Variants in MACF1 observed in about 807,000 individuals in gnomAD.
MACF1 encodes the protein microtubule actin crosslinking factor 1.
MACF1 carries 193 observed loss-of-function variants against 854.8 expected under a neutral mutation model. The observed-to-expected ratio is 0.23, with a 90% confidence interval of 0.20 to 0.25. The LOEUF is 0.25. Ranked by LOEUF, MACF1 falls within the 10% of genes least tolerant of loss-of-function variation. The pLI is 1.00. For missense variants in MACF1, 7,722 were observed against 8,929.1 expected (o/e 0.86, Z 5.45); for synonymous variants, 3,185 against 3,226.7 (o/e 0.99, Z 0.44).
chr1:39,468,792 A>G (rs1570191424), intron 96 of MACF1, 60 bp downstream of exon 96: 5 of 1,437,924 alleles, frequency 3.5e-6, no homozygotes, highest in Non-Finnish European at 3.9e-6. Flanking sequence ...GTGATCTTTT[A>G]TGCTTACAGG....
At chr1:39,405,441 T>C (rs1387461517) in intron 58 of MACF1, among the ~76,000 whole-genome samples, 1 of 152,248 alleles carries the variant, frequency 6.6e-6, no homozygotes, top group African/African-American at 2.4e-5. Flanking sequence ...AGGTGGGTGA[T>C]AAGGCATCAT....
At position 39,350,896 on chromosome 1, in the gene MACF1, G is replaced by T. The variant is rs774610656; in HGVS notation, c.11077G>T (p.Ala3693Ser). Residue 3693 changes from alanine to serine, a missense_variant, in exon 43 of 101, where the codon GCT becomes TCT. Transcript: ENST00000564288. ...CAAGCTGAGCCCACGTGAGTTGACA[G>T]CTCTTCGGGAAAAGCTTCATCAGGC... ...QTKLSPRELT[A>S]LREKLHQAKE... 1.2e-6 allele frequency: 2 copies of T among 1,613,992 alleles called. No homozygotes were observed. The highest frequency in any genetic ancestry group is 2.7e-5 in the African/African-American group (2 of 74,926).
Position 39,315,474 on chromosome 1 carries a change from A to G in MACF1, c.3271-39A>G, listed in dbSNP as rs776862725. 15 of 1,601,218 alleles carry G rather than the reference A, an allele frequency of 9.4e-6. No individual in the cohort carries two copies. In the Admixed American group the frequency reaches 2.2e-4, roughly 24 times the overall value. On this transcript the variant is annotated intron_variant, in intron 26 of 100. Coordinates refer to ENST00000564288, the MANE Select transcript of MACF1 (RefSeq NM_001394062.1). ...GACTTCTTTCTACCTTTTTTGTTCAATTCTGTCTCCCTCTTTATGTGTGTC... is the reference window on the plus strand; with the variant it reads ...GACTTCTTTCTACCTTTTTTGTTCAGTTCTGTCTCCCTCTTTATGTGTGTC...
At chr1:39,436,241 C>T (rs532863556) in intron 70 of MACF1, among the ~76,000 whole-genome samples, 2 of 152,168 alleles carry the variant, frequency 1.3e-5, no homozygotes, top group Non-Finnish European at 2.9e-5. Context: ...AAGCATGTAA[C>T]TACATACTTT....
intron 2 of MACF1, among the ~76,000 whole-genome samples, chr1:39,148,535 A>G (rs1375456579): frequency 6.6e-6 from 1 of 152,228 alleles, no homozygotes; most frequent in Non-Finnish European, 1.5e-5. Context: ...GCAAATATGC[A>G]TGCAATACAT....
At chr1:39,219,847 T>C (rs1446462744) in intron 1 of MACF1, among the ~76,000 whole-genome samples, 1 of 151,996 alleles carries the variant, frequency 6.6e-6, no homozygotes, top group Non-Finnish European at 1.5e-5. Flanking sequence ...GCCGCCCGGG[T>C]CCAAGCAGTT....
chr1:39,384,187 A>G (rs1650492393), intron 56 of MACF1, among the ~76,000 whole-genome samples: 1 of 151,968 alleles, frequency 6.6e-6, no homozygotes, highest in Non-Finnish European at 1.5e-5. Context: ...AGCCTTTCCT[A>G]ATTTCTGTCT....
At chr1:39,382,695 A>AAT (rs554696849) in intron 56 of MACF1, among the ~76,000 whole-genome samples, 2 of 150,932 alleles carry the variant, frequency 1.3e-5, no homozygotes, top group Admixed American at 6.6e-5. Context: ...AAAAAAAAAA[A>AAT]TTTTTTTTTA....
At chr1:39,358,955 T>C in intron 46 of MACF1, 82 bp downstream of exon 46, 2 of 1,497,184 alleles carry the variant, frequency 1.3e-6, no homozygotes, top group South Asian at 2.6e-5. Flanking sequence ...AGCAAATGCT[T>C]ACATAAAATA....
intron 58 of MACF1, among the ~76,000 whole-genome samples, chr1:39,404,145 G>GGAAGTAAA (rs1173196421): frequency 1.8e-4 from 24 of 133,078 alleles, no homozygotes; most frequent in African/African-American, 7.6e-4. Flanking sequence ...AAATAAATAA[G>GGAAGTAAA]TAAGTAAATA....
At chr1:39,323,457 A>G (rs1173571730) in intron 33 of MACF1, among the ~76,000 whole-genome samples, 2 of 150,584 alleles carry the variant, frequency 1.3e-5, no homozygotes, top group Non-Finnish European at 3.0e-5. Flanking sequence ...TAATTAAATT[A>G]TTATATAATA....
intron 2 of MACF1, among the ~76,000 whole-genome samples, chr1:39,182,551 A>G (rs1406512295): frequency 1.3e-5 from 2 of 152,340 alleles, no homozygotes; most frequent in South Asian, 2.1e-4. Flanking sequence ...AAGGATTTAT[A>G]TAGCCATTTC....
chr1:39,188,824 G>A (rs1336614237), intron 2 of MACF1, among the ~76,000 whole-genome samples: 2 of 151,906 alleles, frequency 1.3e-5, no homozygotes, highest in Non-Finnish European at 2.9e-5. Flanking sequence ...GGCTGGTCTC[G>A]AACTCCTGAG....
intron 68 of MACF1, among the ~76,000 whole-genome samples, chr1:39,433,462 A>G (rs1021645518): frequency 3.9e-5 from 6 of 152,146 alleles, no homozygotes; most frequent in Non-Finnish European, 7.3e-5. Context: ...TTTATGGTAG[A>G]TTTTTTTCAG....
chr1:39,140,536 G>A (rs1048100308), intron 2 of MACF1, among the ~76,000 whole-genome samples: 8 of 152,234 alleles, frequency 5.3e-5, no homozygotes, highest in Middle Eastern at 3.4e-3. Context: ...ACAGTGCCTC[G>A]CACATAGATG....
intron 2 of MACF1, among the ~76,000 whole-genome samples, chr1:39,106,403 G>T (rs1642239361): frequency 6.6e-6 from 1 of 152,176 alleles, no homozygotes; most frequent in Non-Finnish European, 1.5e-5. Context: ...GCAAGTTAAT[G>T]CCTAATCTGC....
intron 2 of MACF1, among the ~76,000 whole-genome samples, chr1:39,239,183 A>G (rs1390017618): frequency 6.6e-6 from 1 of 152,216 alleles, no homozygotes; most frequent in Non-Finnish European, 1.5e-5. Flanking sequence ...TGGGAGGCTG[A>G]GGCAGGAGAA....
upstream of MACF1, among the ~76,000 whole-genome samples, chr1:39,202,191 C>T (rs912476307): frequency 1.3e-5 from 2 of 149,464 alleles, no homozygotes; most frequent in African/African-American, 4.9e-5. Context: ...TGGTCTCAGT[C>T]TCCTGACCTC....
intron 87 of MACF1, 102 bp from the exon 88 acceptor site, chr1:39,453,605 G>T: frequency 9.9e-7 from 1 of 1,012,850 alleles, no homozygotes; most frequent in Non-Finnish European, 1.5e-6. Flanking sequence ...TTAACACATG[G>T]AGGAAAAAGA....
Sources: gnomAD v4.1 joint callset for allele counts (sites outside exome capture counted in the v4.1 genomes callset) on GRCh38, gnomAD v4.1.1 for gene constraint, MANE v1.5 for transcripts, NCBI Gene and HGNC (gene_info 2026-07-23, HGNC 2026-07-21) for gene names.